WWOX: variants seen among roughly 807,000 people sequenced by gnomAD.
WWOX encodes the protein WW domain-containing oxidoreductase.
Under a neutral mutation model 46.2 loss-of-function variants are expected in WWOX, and 69 were observed. The ratio of observed to expected loss-of-function variants is 1.49; its 90% CI spans 1.23 to 1.82. The LOEUF is 1.82. Ranked by LOEUF, WWOX falls within the 40% of genes most tolerant of loss-of-function variation. WWOX has a pLI of 0.00. For missense variants in WWOX, 919 were observed against 542.6 expected, an observed-to-expected ratio of 1.69 and a Z score of -6.89; for synonymous variants, 359 against 202.6, an observed-to-expected ratio of 1.77 and a Z score of -6.56.
At chr16:78,370,515 T>A (rs13333745) in intron 5 of WWOX, among the ~76,000 whole-genome samples, 19,678 of 151,876 alleles carry the variant, frequency 0.13, 1,757 homozygotes, top group East Asian at 0.37. Flanking sequence ...TTGATTTTTT[T>A]ATGTCATTTT....
intron 8 of WWOX, among the ~76,000 whole-genome samples, chr16:78,572,381 G>A (rs2044738146): frequency 6.6e-6 from 1 of 152,066 alleles, no homozygotes; most frequent in African/African-American, 2.4e-5. Flanking sequence ...GATGGCTTGA[G>A]CCCAGGAGTT....
intron 8 of WWOX, chr16:78,757,140 G>A (rs1391491590): frequency 3.2e-6 from 2 of 632,652 alleles, no homozygotes; most frequent in Admixed American, 5.2e-5. Context: ...GAGCTAAGCT[G>A]CTCACAAGTT....
chr16:78,321,356 ATGCGTATATATATACGTATATAT>A (rs2080473156), intron 5 of WWOX, among the ~76,000 whole-genome samples: 1 of 54,150 alleles, frequency 1.8e-5, no homozygotes, highest in Middle Eastern at 0.01. Flanking sequence ...ATACGTATAT[ATGCGTATATATATACGTATATAT>A]GCGTATATAT....
intron 6 of WWOX, among the ~76,000 whole-genome samples, chr16:78,409,472 C>T (rs571507277): frequency 2.6e-5 from 4 of 152,146 alleles, no homozygotes; most frequent in Middle Eastern, 3.4e-3. Context: ...TTCTGGGTGT[C>T]GCTTTTGGAG....
chr16:78,988,015 G>A (rs368901897), intron 8 of WWOX, among the ~76,000 whole-genome samples: 6 of 149,602 alleles, frequency 4.0e-5, no homozygotes, highest in Admixed American at 1.3e-4. Context: ...TTTTATAAAG[G>A]GGGGGTGGTC....
intron 8 of WWOX, among the ~76,000 whole-genome samples, chr16:78,788,951 T>C (rs754849468): frequency 1.3e-5 from 2 of 152,216 alleles, no homozygotes; most frequent in Non-Finnish European, 2.9e-5. Context: ...GTTGTTTATA[T>C]ATTTTGGAAA....
chr16:78,450,249 T>A (rs1449879503), intron 8 of WWOX, among the ~76,000 whole-genome samples: 1 of 152,184 alleles, frequency 6.6e-6, no homozygotes, highest in East Asian at 1.9e-4. Flanking sequence ...CTTTAAACAT[T>A]GCATCCTTGA....
intron 8 of WWOX, among the ~76,000 whole-genome samples, chr16:78,928,586 G>T (rs946756693): frequency 6.6e-6 from 1 of 152,030 alleles, no homozygotes; most frequent in Non-Finnish European, 1.5e-5. Flanking sequence ...TTGGGGGCCT[G>T]TTAAAATAGT....
chr16:78,803,463 T>C (rs528390013), intron 8 of WWOX, among the ~76,000 whole-genome samples: 15 of 152,312 alleles, frequency 9.8e-5, no homozygotes, highest in African/African-American at 3.4e-4. Context: ...TTTTTCTTTT[T>C]TGAGACAGGG....
intron 8 of WWOX, among the ~76,000 whole-genome samples, chr16:79,031,782 T>A (rs1271878151): frequency 7.2e-6 from 1 of 139,762 alleles, no homozygotes; most frequent in Non-Finnish European, 1.5e-5. Flanking sequence ...TATAGAAAGA[T>A]ATATAATCTA....
chr16:78,371,893 G>A (rs1006259116), intron 5 of WWOX, among the ~76,000 whole-genome samples: 2 of 152,114 alleles, frequency 1.3e-5, no homozygotes, highest in South Asian at 4.1e-4. Flanking sequence ...AATATTTTCT[G>A]ATGTTTTAAT....
intron 4 of WWOX, among the ~76,000 whole-genome samples, chr16:78,152,640 T>G (rs867497161): frequency 2.6e-5 from 4 of 152,180 alleles, no homozygotes; most frequent in African/African-American, 9.7e-5. Flanking sequence ...TCTTTGGGCA[T>G]TTTTCTCACT....
chr16:78,926,507 G>A (rs1260174341), intron 8 of WWOX, among the ~76,000 whole-genome samples: 1 of 152,212 alleles, frequency 6.6e-6, no homozygotes, highest in East Asian at 1.9e-4. Context: ...TTGAGGAGGA[G>A]CAGGATGGCG....
chr16:78,917,510 A>G (rs1312573369), intron 8 of WWOX, among the ~76,000 whole-genome samples: 2 of 151,866 alleles, frequency 1.3e-5, no homozygotes, highest in African/African-American at 4.8e-5. Context: ...TTAATTCAAG[A>G]CTTCATGAAG....
intron 8 of WWOX, among the ~76,000 whole-genome samples, chr16:78,894,039 T>TTATTATTATTATTAA (rs1389687642): frequency 6.8e-6 from 1 of 146,802 alleles, no homozygotes; most frequent in Non-Finnish European, 1.5e-5. Context: ...ATTATTATTA[T>TTATTATTATTATTAA]TATTATTATT....
In WWOX at chr16:78,996,322, G is replaced by T. The variant is rs111833270; in HGVS notation, c.1057-215286G>T. On this transcript the variant is annotated intron_variant, in intron 8 of 8. Transcript: ENST00000566780. ...CTTGCCTTGTGGATGTTTTTCTACC[G>T]TGACAGAAGATAGAAAGGATGAAAT... 282 of 983,678 alleles carry T rather than the reference G, an allele frequency of 2.9e-4. 5 individuals carry two copies. The South Asian group carries it at 0.011, about 40-fold the overall frequency. The allele number at this position is 983,678 out of a possible 1,614,324, so 60.9% of individuals were successfully genotyped here.
rs72799984 is a variant in WWOX at position 78,761,062 on chromosome 16, G to A, written c.1056+328310G>A. Among the ~76,000 whole-genome samples, 628 of 152,198 alleles carry A rather than the reference G, an allele frequency of 4.1e-3. 1 individual carries two copies. The highest frequency in any genetic ancestry group is 6.3e-3 in the Non-Finnish European group (429 of 67,996). On this transcript the variant is annotated intron_variant, in intron 8 of 8. Coordinates refer to ENST00000566780, the MANE Select transcript of WWOX (RefSeq NM_016373.4). The stretch of plus-strand genomic sequence containing the variant: ...TCCTACCAGGCCCCTCCTACAACAC[G>A]TAAGAATTATGGGAGCTACAATTCA...
rs763754438 is a variant in WWOX at position 78,425,039 on chromosome 16, T to A, written c.775T>A (p.Ser259Thr). Residue 259 changes from serine to threonine, a missense_variant, in exon 7 of 9, where the codon TCC becomes ACC. Coordinates refer to ENST00000566780, the MANE Select transcript of WWOX (RefSeq NM_016373.4). ...AGCTCCTGCCCGTGTCATTGTGGTC[T>A]CCTCAGAGTCCCATCGGTGGGTTTG... The part of the protein sequence containing the change: ...RSAPARVIVV[S>T]SESHRFTDIN... 6.2e-7 allele frequency: 1 copy of A among 1,613,878 alleles called. No homozygotes were observed. Among genetic ancestry groups the A allele is most frequent in the Non-Finnish European group, 8.5e-7 (1 of 1,180,020 alleles).
intron 8 of WWOX, among the ~76,000 whole-genome samples, chr16:78,486,463 A>G (rs2084639354): frequency 6.6e-6 from 1 of 152,192 alleles, no homozygotes. Context: ...GTGCCCAACA[A>G]CTAGGTCTTA....
Sources: allele counts gnomAD v4.1 joint callset (sites outside exome capture counted in the v4.1 genomes callset), GRCh38; gene constraint gnomAD v4.1.1; transcripts MANE v1.5; gene names NCBI Gene and HGNC (gene_info 2026-07-23, HGNC 2026-07-21).